Variants in RORA observed in about 807,000 individuals in gnomAD.
RORA encodes the protein nuclear receptor ROR-alpha.
Under a neutral mutation model 69.5 loss-of-function variants are expected in RORA, and 7 were observed. That is an observed-to-expected ratio of 0.10 (90% CI 0.06 to 0.19). RORA has a LOEUF of 0.19. Among genes scored for constraint, RORA ranks in the 10% least tolerant of loss-of-function variants. RORA has a pLI of 1.00. For synonymous variants in RORA, 261 were observed against 240.8 expected (o/e 1.08, Z -0.78); for missense variants, 457 against 663.0 (o/e 0.69, Z 3.41).
At chr15:60,585,956 G>T (rs934064675) in intron 2 of RORA, among the ~76,000 whole-genome samples, 7 of 152,146 alleles carry the variant, frequency 4.6e-5, no homozygotes, top group African/African-American at 1.7e-4. Flanking sequence ...GGGTTTAGCC[G>T]TCCATGTGCA....
At position 60,490,375 on chromosome 15, in the gene RORA, A is replaced by G. The variant is rs2065022280; in HGVS notation, c.*7080T>C. ...TTATATAGTAAAACCGGTATTATAC[A>G]GCATATTGTGGATTTGATAAACAGA... On this transcript the variant is annotated 3_prime_UTR_variant, in exon 11 of 11. Coordinates refer to ENST00000335670, the MANE Select transcript of RORA (RefSeq NM_134261.3). The surrounding 1 kb of genome is among the most constrained non-coding windows in gnomAD (Gnocchi z 4.1). 6.6e-6 allele frequency: 1 copy of G among 152,148 alleles called. No individual in the cohort carries two copies. Among genetic ancestry groups the G allele is most frequent in the Non-Finnish European group, 1.5e-5 (1 of 67,990 alleles). 9.4% of individuals were successfully genotyped at this position (152,148 alleles called of 1,614,324 possible).
chr15:60,963,180 T>C (rs928693955), intron 1 of RORA, among the ~76,000 whole-genome samples: 14 of 152,228 alleles, frequency 9.2e-5, no homozygotes, highest in African/African-American at 3.4e-4. Context: ...AATTGAACTT[T>C]TCAGAGGGTA....
At chr15:61,050,309 C>T (rs1460690274) in intron 1 of RORA, among the ~76,000 whole-genome samples, 1 of 152,190 alleles carries the variant, frequency 6.6e-6, no homozygotes, top group East Asian at 1.9e-4. Flanking sequence ...TTACGGAAAA[C>T]GTGTACAAAC....
chr15:60,597,551 C>CAACATATATAT (rs1555435946), intron 2 of RORA, among the ~76,000 whole-genome samples: 2 of 25,130 alleles, frequency 8.0e-5, no homozygotes, highest in African/African-American at 1.4e-4. Flanking sequence ...ACACACACAA[C>CAACATATATAT]ATATATATAT....
chr15:60,751,271 T>C (rs938094219), intron 1 of RORA, among the ~76,000 whole-genome samples: 8 of 152,342 alleles, frequency 5.3e-5, no homozygotes, highest in Admixed American at 2.6e-4. Flanking sequence ...TGATTACTTA[T>C]GGCAAATAAC....
At chr15:61,104,769 G>A (rs1595991650) in intron 1 of RORA, among the ~76,000 whole-genome samples, 1 of 152,100 alleles carries the variant, frequency 6.6e-6, no homozygotes, top group East Asian at 1.9e-4. Context: ...CTAGTGATAT[G>A]GTTTGGCTGT....
At chr15:60,516,190 T>TAG (rs1410643498) in intron 3 of RORA, among the ~76,000 whole-genome samples, 1 of 15,774 alleles carries the variant, frequency 6.3e-5, no homozygotes, top group South Asian at 1.3e-3. Context: ...TATATTTATA[T>TAG]ATATATTTAT....
chr15:60,913,245 T>C (rs1315817485), intron 1 of RORA, among the ~76,000 whole-genome samples: 1 of 152,034 alleles, frequency 6.6e-6, no homozygotes, highest in East Asian at 1.9e-4. Context: ...GGGCCCTTGG[T>C]GTGGACATGG....
chr15:61,145,399 G>A (rs1028561883), intron 1 of RORA, among the ~76,000 whole-genome samples: 1 of 152,190 alleles, frequency 6.6e-6, no homozygotes, highest in Non-Finnish European at 1.5e-5. Flanking sequence ...CCAGTGCTCT[G>A]TCATACAACT....
intron 1 of RORA, among the ~76,000 whole-genome samples, chr15:61,152,149 C>T (rs1383827833): frequency 6.6e-6 from 1 of 152,158 alleles, no homozygotes; most frequent in African/African-American, 2.4e-5. Context: ...CCCGGAAAGG[C>T]AGTGGCAGGA....
At chr15:60,636,227 A>G (rs1596084345) in intron 2 of RORA, among the ~76,000 whole-genome samples, 1 of 152,214 alleles carries the variant, frequency 6.6e-6, no homozygotes, top group East Asian at 1.9e-4. Flanking sequence ...CTGTCTGTCC[A>G]CCCAGGCTTG....
At chr15:61,068,860 T>C (rs2078300693) in intron 1 of RORA, among the ~76,000 whole-genome samples, 1 of 152,190 alleles carries the variant, frequency 6.6e-6, no homozygotes, top group Non-Finnish European at 1.5e-5. Flanking sequence ...CAGAAACAAG[T>C]ACTCTTGAAA....
At chr15:61,215,837 C>T (rs1220034744) in intron 1 of RORA, among the ~76,000 whole-genome samples, 1 of 152,194 alleles carries the variant, frequency 6.6e-6, no homozygotes, top group Non-Finnish European at 1.5e-5. Context: ...GTATCACTCA[C>T]ACTACCACAA....
At chr15:60,564,852 C>G (rs1300573567) in intron 2 of RORA, among the ~76,000 whole-genome samples, 1 of 152,050 alleles carries the variant, frequency 6.6e-6, no homozygotes, top group Non-Finnish European at 1.5e-5. Context: ...CCCAATGGCA[C>G]CCGAACGAAA....
intron 1 of RORA, among the ~76,000 whole-genome samples, chr15:61,036,013 G>C (rs768830568): frequency 1.3e-5 from 2 of 152,214 alleles, no homozygotes; most frequent in Non-Finnish European, 2.9e-5. Context: ...GTTAAGAACA[G>C]ATGAGCTTTC....
chr15:60,828,845 C>G (rs1373054357), intron 1 of RORA, among the ~76,000 whole-genome samples: 1 of 152,162 alleles, frequency 6.6e-6, no homozygotes, highest in Non-Finnish European at 1.5e-5. Flanking sequence ...CTCTCTCAAA[C>G]CTCTGTAAAG....
At chr15:60,499,185 A>T (rs1001899862) in intron 10 of RORA, among the ~76,000 whole-genome samples, 2 of 152,214 alleles carry the variant, frequency 1.3e-5, no homozygotes, top group Non-Finnish European at 2.9e-5. Flanking sequence ...TAATATTAGT[A>T]TATATGGTCA....
chr15:61,133,516 G>T (rs2079210426), intron 1 of RORA, among the ~76,000 whole-genome samples: 1 of 152,188 alleles, frequency 6.6e-6, no homozygotes, highest in Non-Finnish European at 1.5e-5. Context: ...AGAGTTGAGG[G>T]CTGATGGCTG....
At chr15:61,113,078 C>A (rs1234173014) in intron 1 of RORA, among the ~76,000 whole-genome samples, 2 of 152,234 alleles carry the variant, frequency 1.3e-5, no homozygotes, top group Admixed American at 6.5e-5. Flanking sequence ...TTCTTCACAA[C>A]CCTGGGGACA....
Sources: gnomAD v4.1 joint callset for allele counts (sites outside exome capture counted in the v4.1 genomes callset) on GRCh38, gnomAD v4.1.1 for gene constraint, Gnocchi (gnomAD v3.1) non-coding constraint, MANE v1.5 for transcripts, NCBI Gene and HGNC (gene_info 2026-07-23, HGNC 2026-07-21) for gene names.